Variants in GSE1 observed in about 807,000 individuals in gnomAD.
The protein encoded by GSE1 is Gse1 coiled-coil protein, also known as genetic suppressor element 1.
A neutral mutation model predicts 112.6 loss-of-function variants in GSE1; 32 were observed. The observed-to-expected ratio is 0.28, with a 90% CI of 0.21 to 0.38. The LOEUF is 0.38. Ranked by LOEUF, GSE1 falls within the 10% of genes least tolerant of loss-of-function variation. The probability of loss-of-function intolerance (pLI) is 1.00; values close to 1 mark genes in which losing one functional copy is unlikely to be tolerated. For synonymous variants in GSE1, 1,115 were observed against 735.6 expected, an observed-to-expected ratio of 1.52 and a Z score of -8.35; for missense variants, 2,348 against 1,699.2, an observed-to-expected ratio of 1.38 and a Z score of -6.71.
chr16:85,433,264 A>T (rs1376243706), intron 2 of GSE1, among the ~76,000 whole-genome samples: 2 of 152,068 alleles, frequency 1.3e-5, no homozygotes, highest in Non-Finnish European at 2.9e-5. Context: ...CCAAAGAAAC[A>T]TCTCTTATGC....
At chr16:85,377,533 A>G (rs2047447238) in intron 2 of GSE1, among the ~76,000 whole-genome samples, 1 of 152,178 alleles carries the variant, frequency 6.6e-6, no homozygotes, top group African/African-American at 2.4e-5. Flanking sequence ...CTGATAGAAT[A>G]TGTGGTAGGG....
intron 1 of GSE1, among the ~76,000 whole-genome samples, chr16:85,618,032 A>G (rs1206321447): frequency 6.6e-6 from 1 of 151,912 alleles, no homozygotes; most frequent in Non-Finnish European, 1.5e-5. Context: ...GTGTGCTTTG[A>G]GCTCTTCTAA....
chr16:85,533,707 T>A (rs887112447), intron 2 of GSE1, among the ~76,000 whole-genome samples: 4 of 151,834 alleles, frequency 2.6e-5, no homozygotes, highest in Admixed American at 2.0e-4. Flanking sequence ...CTACAAAAAA[T>A]TTTAAAAACT....
chr16:85,214,976 G>T (rs1205572934), intron 1 of GSE1, among the ~76,000 whole-genome samples: 1 of 152,220 alleles, frequency 6.6e-6, no homozygotes, highest in Non-Finnish European at 1.5e-5. Flanking sequence ...GCGGGTGGCG[G>T]GTGGGTGGAG....
chr16:85,471,993 G>C (rs759130360), intron 2 of GSE1, among the ~76,000 whole-genome samples: 3 of 152,266 alleles, frequency 2.0e-5, no homozygotes, highest in Non-Finnish European at 4.4e-5. Context: ...TTTGGGGCCA[G>C]ATACTTCTTT....
chr16:85,668,551 A>G, intron 14 of GSE1, 127 bp downstream of exon 14: 1 of 657,206 alleles, frequency 1.5e-6, no homozygotes, highest in East Asian at 2.7e-5. Flanking sequence ...GGCACAGTAG[A>G]TATGAATACT....
At chr16:85,327,860 T>G (rs1351248453) in intron 1 of GSE1, among the ~76,000 whole-genome samples, 1 of 152,150 alleles carries the variant, frequency 6.6e-6, no homozygotes, top group African/African-American at 2.4e-5. Flanking sequence ...CAGCCTGTCA[T>G]ATACAGGCTA....
intron 2 of GSE1, among the ~76,000 whole-genome samples, chr16:85,635,830 G>C (rs1438840243): frequency 1.3e-5 from 2 of 152,368 alleles, no homozygotes; most frequent in Admixed American, 1.3e-4. Flanking sequence ...AGAGGACGTG[G>C]TCAGGAAAGG....
At chr16:85,493,128 G>C (rs1210866637) in intron 2 of GSE1, among the ~76,000 whole-genome samples, 2 of 152,200 alleles carry the variant, frequency 1.3e-5, no homozygotes, top group African/African-American at 4.8e-5. Flanking sequence ...TGTTCTCCAG[G>C]GAGGGGCGAT....
At chr16:85,566,438 C>T (rs1199784354) in intron 1 of GSE1, among the ~76,000 whole-genome samples, 2 of 152,186 alleles carry the variant, frequency 1.3e-5, no homozygotes, top group African/African-American at 2.4e-5. Context: ...CTCTCCACTG[C>T]GTCCCATGTA....
chr16:85,591,652 C>T (rs1052922585), intron 1 of GSE1, among the ~76,000 whole-genome samples: 1 of 152,232 alleles, frequency 6.6e-6, no homozygotes, highest in African/African-American at 2.4e-5. Flanking sequence ...CTCCTGGCTG[C>T]AGGCAGACCA....
rs556701484 is a variant in GSE1, at chr16:85,439,335, C to T, written c.2464+81692C>T. On this transcript the variant is annotated intron_variant, in intron 2 of 2. Coordinates refer to the GSE1 transcript ENST00000637419. ...CAGAGAGGGGCAGTGGGGGCGGCCT[C>T]GGGCGCTGGCCTCCCTGGGGCAAGA... Among the ~76,000 whole-genome samples, 6 of 152,308 alleles carry T rather than the reference C, an allele frequency of 3.9e-5. No homozygotes were observed. The East Asian group carries it at 5.8e-4, about 15-fold the overall frequency.
At chr16:85,357,387 G>T in intron 1 of GSE1, 3 of 958,860 alleles carry the variant, frequency 3.1e-6, no homozygotes, top group African/African-American at 1.8e-5. Context: ...TGGCACCTAT[G>T]GCCAGAGAGT....
At chr16:85,564,424 G>A (rs1404163483) in intron 1 of GSE1, among the ~76,000 whole-genome samples, 1 of 152,200 alleles carries the variant, frequency 6.6e-6, no homozygotes, top group Non-Finnish European at 1.5e-5. Flanking sequence ...GAGTAATCAG[G>A]GTGACAAGTA....
intron 2 of GSE1, among the ~76,000 whole-genome samples, chr16:85,443,290 C>T (rs1268325349): frequency 6.6e-6 from 1 of 152,192 alleles, no homozygotes; most frequent in African/African-American, 2.4e-5. Flanking sequence ...AGGCCCATCT[C>T]GCCCGTTTCT....
At chr16:85,562,408 G>C (rs2151292099) in intron 1 of GSE1, among the ~76,000 whole-genome samples, 1 of 144,908 alleles carries the variant, frequency 6.9e-6, no homozygotes, top group South Asian at 2.4e-4. Context: ...TTGCTTAAAT[G>C]TGTTGTTGTT....
intron 2 of GSE1, among the ~76,000 whole-genome samples, chr16:85,642,767 C>G (rs902668826): frequency 2.0e-5 from 3 of 152,220 alleles, no homozygotes; most frequent in Non-Finnish European, 2.9e-5. Flanking sequence ...GGGTCGGGGC[C>G]GTGCAGAACA....
At chr16:85,467,780 G>T (rs1460259842) in intron 2 of GSE1, among the ~76,000 whole-genome samples, 2 of 152,252 alleles carry the variant, frequency 1.3e-5, no homozygotes, top group African/African-American at 4.8e-5. Context: ...GATGGGAAGA[G>T]TGTCAAAGAA....
chr16:85,468,546 G>A (rs1339481762), intron 2 of GSE1, among the ~76,000 whole-genome samples: 1 of 151,820 alleles, frequency 6.6e-6, no homozygotes, highest in Non-Finnish European at 1.5e-5. Context: ...TTGAACTCCT[G>A]ACCTCCTGTG....
Sources: gnomAD v4.1 joint callset for allele counts (sites outside exome capture counted in the v4.1 genomes callset) on GRCh38, gnomAD v4.1.1 for gene constraint, MANE v1.5 for transcripts, NCBI Gene and HGNC (gene_info 2026-07-23, HGNC 2026-07-21) for gene names.